The following PDCD11 variants were observed in gnomAD, a reference collection of about 807,000 sequenced individuals.
The protein encoded by PDCD11 is protein RRP5 homolog.
PDCD11 carries 97 observed loss-of-function variants against 198.9 expected under a neutral mutation model. The observed-to-expected ratio is 0.49, with a 90% CI of 0.41 to 0.58. PDCD11 has a LOEUF of 0.58. Among genes scored for constraint, PDCD11 ranks in the 20% least tolerant of loss-of-function variants. The pLI is 0.00. For synonymous variants in PDCD11, 893 were observed against 918.0 expected (o/e 0.97, Z 0.49); for missense variants, 2,102 against 2,312.7 (o/e 0.91, Z 1.87).
At chr10:103,415,460 G>C (rs936741731) in intron 12 of PDCD11, among the ~76,000 whole-genome samples, 3 of 152,214 alleles carry the variant, frequency 2.0e-5, no homozygotes, top group African/African-American at 7.2e-5. Context: ...CAGAATTGTT[G>C]ACGTTATCAG....
chr10:103,426,614 G>A (rs1014124587), intron 20 of PDCD11, among the ~76,000 whole-genome samples: 1 of 152,020 alleles, frequency 6.6e-6, no homozygotes, highest in African/African-American at 2.4e-5. Flanking sequence ...GGCCAACATG[G>A]TGAAACCCCG....
rs994258747 is a variant in PDCD11 at position 103,401,555 on chromosome 10, C to T, written c.234+1027C>T. 7.9e-5 allele frequency among the ~76,000 whole-genome samples: 12 copies of T among 152,296 alleles called. No individual in the cohort carries two copies. The East Asian group carries it at 2.1e-3, about 27-fold the overall frequency. ...AAGTGCTGGAATCACAGGCGTGAGC[C>T]ACCGCGGCCAGCCTGCCTTACATTT... On this transcript the variant is annotated intron_variant, in intron 3 of 35. Transcript: ENST00000369797.
chr10:103,423,005 A>T lies in PDCD11; in HGVS notation c.2515A>T (p.Thr839Ser). Residue 839 changes from threonine to serine, a missense_variant, in exon 18 of 36, where the codon ACG (threonine) becomes TCG (serine). Physicochemically the swap from Thr to Ser is moderately conservative, Grantham distance 58 (BLOSUM62 1). Transcript: ENST00000369797. Reference protein sequence around the residue: ...MSNRDSVLIQTLAEMTPGMFL... With the variant: ...MSNRDSVLIQSLAEMTPGMFL... ...TCTGGCAGACTCTGTGTTGATCCAG[A>T]CGCTGGCCGAGATGACCCCAGGAAT... is the stretch of plus-strand genomic sequence containing the variant. The T allele has an allele frequency of 6.4e-7, 1 of 1,568,910 alleles. No homozygotes were observed. Among genetic ancestry groups the T allele is most frequent in the Non-Finnish European group, 8.6e-7 (1 of 1,158,040 alleles).
At position 103,438,756 on chromosome 10, in the gene PDCD11, C is replaced by T. The variant is rs769443487; in HGVS notation, c.3973C>T (p.Gln1325Ter). 1.2e-6 allele frequency: 2 copies of T among 1,614,144 alleles called. No individual in the cohort carries two copies. Among genetic ancestry groups the T allele is most frequent in the Non-Finnish European group, 8.5e-7 (1 of 1,180,004 alleles). Reference sequence around the variant, plus strand: ...CTCCATCCAGGACATTAAGGAAGGGCAGCTTCTGAGGGGCTATGTAGGGTC... The same window carrying T: ...CTCCATCCAGGACATTAAGGAAGGGTAGCTTCTGAGGGGCTATGTAGGGTC... ...INSIQDIKEG[Q>*]LLRGYVGSIQ... is the part of the protein sequence containing the mutation. The change falls in exon 27 of 36, where the codon CAG becomes TAG. Residue 1325 changes from glutamine (Q) to a stop codon, truncating the protein, a stop_gained. Coordinates refer to ENST00000369797, the MANE Select transcript of PDCD11 (RefSeq NM_014976.2). LOFTEE classifies it high-confidence loss of function.
intron 17 of PDCD11, 52 bp from the exon 18 acceptor site, chr10:103,422,936 A>T: frequency 2.2e-6 from 3 of 1,386,032 alleles, no homozygotes; most frequent in Non-Finnish European, 2.9e-6. Flanking sequence ...GGAAAAGAAC[A>T]GTGAGAGTTC....
At chr10:103,431,924 C>T (rs1188088533) in intron 21 of PDCD11, among the ~76,000 whole-genome samples, 1 of 152,166 alleles carries the variant, frequency 6.6e-6, no homozygotes, top group Non-Finnish European at 1.5e-5. Context: ...GCAGCTTGTT[C>T]ATAAGTAGAT....
chr10:103,436,740 A>G (rs1322243364), intron 25 of PDCD11, among the ~76,000 whole-genome samples: 1 of 152,198 alleles, frequency 6.6e-6, no homozygotes, highest in African/African-American at 2.4e-5. Context: ...TTACTTGCCT[A>G]AAGGTAGACG....
intron 28 of PDCD11, among the ~76,000 whole-genome samples, 190 bp from the exon 29 acceptor site, chr10:103,440,100 T>C (rs545254552): frequency 1.3e-5 from 2 of 152,352 alleles, no homozygotes; most frequent in African/African-American, 4.8e-5. Flanking sequence ...GCATCACATC[T>C]ACCCCCTGTA....
intron 7 of PDCD11, among the ~76,000 whole-genome samples, chr10:103,407,343 C>A (rs1446496356): frequency 6.6e-6 from 1 of 152,002 alleles, no homozygotes; most frequent in Non-Finnish European, 1.5e-5. Flanking sequence ...GCAGGCTGAT[C>A]ACGAGGTCAG....
chr10:103,410,842 G>A (rs569969952), intron 8 of PDCD11, among the ~76,000 whole-genome samples: 2 of 151,834 alleles, frequency 1.3e-5, no homozygotes, highest in Admixed American at 6.6e-5. Context: ...TTGGTAGGCC[G>A]AGGTGGGAGG....
chr10:103,441,706 A>G (rs1321179458), intron 30 of PDCD11, 120 bp from the exon 31 acceptor site: 1 of 842,120 alleles, frequency 1.2e-6, no homozygotes, highest in Non-Finnish European at 1.9e-6. Flanking sequence ...GGAGGAGAGG[A>G]GAGGAGAGGA....
chr10:103,429,288 A>G lies in PDCD11; in HGVS notation c.3368+1897A>G, dbSNP rs560598715. On this transcript the variant is annotated intron_variant, in intron 21 of 35. Coordinates refer to ENST00000369797, the MANE Select transcript of PDCD11 (RefSeq NM_014976.2). ...TTCCTGTTAGCCAGTGAGTTTTCTC[A>G]TAGGTCCCCATTCAGTACTGCCAAC... Among the ~76,000 whole-genome samples, 39 of 152,298 alleles carry G rather than the reference A, an allele frequency of 2.6e-4. No homozygotes were observed. The South Asian group carries it at 8.1e-3, about 32-fold the overall frequency.
intron 12 of PDCD11, among the ~76,000 whole-genome samples, chr10:103,415,780 A>T (rs1032993228): frequency 6.6e-6 from 1 of 152,224 alleles, no homozygotes; most frequent in South Asian, 2.1e-4. Context: ...GTTGTGTTCT[A>T]GGCACAGAAA....
intron 17 of PDCD11, 99 bp downstream of exon 17, chr10:103,421,666 A>G: frequency 9.5e-7 from 1 of 1,048,164 alleles, no homozygotes; most frequent in African/African-American, 1.6e-5. Flanking sequence ...CCCAGAACAT[A>G]AGAAAAAAAA....
intron 16 of PDCD11, among the ~76,000 whole-genome samples, chr10:103,420,547 C>G (rs536399363): frequency 6.6e-6 from 1 of 152,278 alleles, no homozygotes; most frequent in African/African-American, 2.4e-5. Flanking sequence ...GGGGATGGGA[C>G]TCACCAAAGT....
rs755193811 is a variant in PDCD11, at chr10:103,406,644, A to G, written c.724A>G (p.Ile242Val). The G allele has an allele frequency of 1.2e-6, 2 of 1,613,988 alleles. No individual in the cohort carries two copies. Among genetic ancestry groups the G allele is most frequent in the Non-Finnish European group, 1.7e-6 (2 of 1,180,032 alleles). Residue 242 changes from isoleucine to valine, a missense_variant, in exon 7 of 36, where the codon ATT (isoleucine) becomes GTT (valine). Coordinates refer to ENST00000369797, the MANE Select transcript of PDCD11 (RefSeq NM_014976.2). ...AAAGGTGGGTCAGTACCTGAACTGC[A>G]TTGTTGAAAAGGTGAAAGGCAACGG... ...KLKVGQYLNC[I>V]VEKVKGNGGV... is the part of the protein sequence containing the mutation.
intron 21 of PDCD11, among the ~76,000 whole-genome samples, chr10:103,431,333 A>C (rs2031924575): frequency 6.6e-6 from 1 of 152,248 alleles, no homozygotes; most frequent in African/African-American, 2.4e-5. Flanking sequence ...GCTGACATCC[A>C]TAATCTCAGC....
chr10:103,412,629 A>G (rs909628029), intron 8 of PDCD11, among the ~76,000 whole-genome samples: 2 of 152,076 alleles, frequency 1.3e-5, no homozygotes, highest in African/African-American at 2.4e-5. Flanking sequence ...TTCCAGCCTA[A>G]CTTTTTTTTA....
intron 34 of PDCD11, 55 bp downstream of exon 34, chr10:103,444,123 G>A: frequency 6.7e-7 from 1 of 1,493,424 alleles, no homozygotes; most frequent in Non-Finnish European, 9.1e-7. Flanking sequence ...TCGGGGAGTA[G>A]GAACTGGCTG....
Sources: gnomAD v4.1 joint callset for allele counts (sites outside exome capture counted in the v4.1 genomes callset) on GRCh38, gnomAD v4.1.1 for gene constraint, MANE v1.5 for transcripts, NCBI Gene and HGNC (gene_info 2026-07-23, HGNC 2026-07-21) for gene names.